PARPBP: variants seen among roughly 807,000 people sequenced by gnomAD.
PARPBP encodes the protein PCNA-interacting partner.
In PARPBP, 52 loss-of-function variants were observed where a neutral mutation model predicts 50.0. That is an observed-to-expected ratio of 1.04 (90% confidence interval 0.83 to 1.31). PARPBP has a LOEUF of 1.31. PARPBP is among the 50% of genes most tolerant of loss of function. PARPBP has a pLI of 0.00. For missense variants in PARPBP, 697 were observed against 672.0 expected, an observed-to-expected ratio of 1.04 and a Z score of -0.41; for synonymous variants, 244 against 232.1, an observed-to-expected ratio of 1.05 and a Z score of -0.47.
At chr12:102,158,117 T>C (rs1168894430) in intron 4 of PARPBP, among the ~76,000 whole-genome samples, 1 of 98,426 alleles carries the variant, frequency 1.0e-5, no homozygotes, top group African/African-American at 4.1e-5. Flanking sequence ...CGAGACTCCA[T>C]CTCAAAAAAA....
chr12:102,121,788 C>G (rs1396809352), intron 1 of PARPBP, among the ~76,000 whole-genome samples: 1 of 152,078 alleles, frequency 6.6e-6, no homozygotes, highest in African/African-American at 2.4e-5. Flanking sequence ...AGGTGAGCCT[C>G]GGCTTCCCAA....
chr12:102,196,812 ATAATAAT>A lies in PARPBP; in HGVS notation c.*526_*532del. 2 of 1,058,784 alleles carry A rather than the reference ATAATAAT, an allele frequency of 1.9e-6. No individual in the cohort carries two copies. The highest frequency in any genetic ancestry group is 2.8e-5 in the South Asian group (2 of 72,412). The allele number at this position is 1,058,784 out of a possible 1,614,324, so 65.6% of individuals were successfully genotyped here. A position where few individuals can be genotyped will look rare whatever the true frequency, so the allele number is the denominator to read the frequency against. On this transcript the variant is annotated 3_prime_UTR_variant, in exon 11 of 11. Coordinates refer to ENST00000327680, the MANE Select transcript of PARPBP (RefSeq NM_017915.5). ...AACTAATTCTGAGTAAACCAAAATG[ATAATAAT>A]TAATTGTTGCTATTTAATCCCACAT... is the stretch of plus-strand genomic sequence containing the variant.
intron 2 of PARPBP, among the ~76,000 whole-genome samples, chr12:102,135,402 G>A (rs548441739): frequency 6.6e-5 from 10 of 151,926 alleles, no homozygotes; most frequent in Admixed American, 2.6e-4. Context: ...AGAATTAGCC[G>A]GGTGTGGTGG....
intron 4 of PARPBP, among the ~76,000 whole-genome samples, chr12:102,159,379 G>T (rs1377103098): frequency 6.6e-6 from 1 of 152,014 alleles, no homozygotes; most frequent in Non-Finnish European, 1.5e-5. Flanking sequence ...CACCCACCTC[G>T]GCCTCCCAAA....
intron 6 of PARPBP, among the ~76,000 whole-genome samples, chr12:102,174,511 A>G (rs1206306181): frequency 1.3e-5 from 2 of 152,214 alleles, no homozygotes; most frequent in African/African-American, 4.8e-5. Flanking sequence ...ACTACAAAAG[A>G]GAAATTTAAT....
intron 9 of PARPBP, among the ~76,000 whole-genome samples, chr12:102,183,010 T>G (rs1240702930): frequency 6.6e-6 from 1 of 152,194 alleles, no homozygotes; most frequent in Non-Finnish European, 1.5e-5. Flanking sequence ...TCTGAAGATA[T>G]AATGGCAGAA....
chr12:102,179,468 T>A (rs1188292468), intron 8 of PARPBP, among the ~76,000 whole-genome samples: 1 of 152,236 alleles, frequency 6.6e-6, no homozygotes, highest in Non-Finnish European at 1.5e-5. Context: ...GGCTGGAAGC[T>A]GGAGATGCAG....
intron 2 of PARPBP, among the ~76,000 whole-genome samples, chr12:102,141,620 G>A (rs1047820847): frequency 7.9e-5 from 12 of 152,142 alleles, no homozygotes; most frequent in African/African-American, 2.4e-4. Flanking sequence ...GCAGTGGCTG[G>A]TACCAGTTTT....
intron 2 of PARPBP, among the ~76,000 whole-genome samples, chr12:102,130,983 A>G (rs951951448): frequency 5.9e-5 from 9 of 152,228 alleles, no homozygotes; most frequent in Non-Finnish European, 1.0e-4. Flanking sequence ...TAAAAATTGC[A>G]AGTCAAAACC....
At chr12:102,133,706 A>G (rs1042031876) in intron 2 of PARPBP, among the ~76,000 whole-genome samples, 12 of 152,158 alleles carry the variant, frequency 7.9e-5, no homozygotes, top group African/African-American at 2.4e-4. Context: ...CTTAGTGCAT[A>G]CAGAACATTC....
At chr12:102,183,247 G>C (rs1890006082) in intron 9 of PARPBP, among the ~76,000 whole-genome samples, 1 of 152,042 alleles carries the variant, frequency 6.6e-6, no homozygotes, top group African/African-American at 2.4e-5. Context: ...TATCTACTAT[G>C]ATCCAGACAC....
At chr12:102,177,895 C>G (rs760169678) in intron 7 of PARPBP, among the ~76,000 whole-genome samples, 1 of 152,192 alleles carries the variant, frequency 6.6e-6, no homozygotes, top group East Asian at 1.9e-4. Flanking sequence ...GCACCATGCT[C>G]TCTTCTTCCT....
chr12:102,197,486 T>G lies in PARPBP; in HGVS notation c.*1195T>G. 6.5e-7 allele frequency: 1 copy of G among 1,546,178 alleles called. No individual in the cohort carries two copies. The highest frequency in any genetic ancestry group is 8.7e-7 in the Non-Finnish European group (1 of 1,146,932). On this transcript the variant is annotated 3_prime_UTR_variant, in exon 11 of 11. Transcript: ENST00000327680. ...GGATTTGTAAGAATCATTTAAATTT[T>G]CATTGAAATAAACGACAAGTCACAT...
chr12:102,128,333 G>A (rs1289199858), intron 2 of PARPBP, among the ~76,000 whole-genome samples: 15 of 152,090 alleles, frequency 9.9e-5, no homozygotes, highest in Non-Finnish European at 2.1e-4. Context: ...CCGGGTTCAC[G>A]CCATTTTTCT....
Position 102,197,230 on chromosome 12 carries a change from C to A in PARPBP, c.*939C>A. On this transcript the variant is annotated 3_prime_UTR_variant, in exon 11 of 11. Coordinates refer to ENST00000327680, the MANE Select transcript of PARPBP (RefSeq NM_017915.5). ...TCGTATTCGGAGTGGAACTATAATA[C>A]AATTGTATAATATTCTTGTTGATCA... The A allele has an allele frequency of 7.8e-7, 1 of 1,285,998 alleles. No individual in the cohort carries two copies. Among genetic ancestry groups the A allele is most frequent in the Non-Finnish European group, 1.1e-6 (1 of 900,008 alleles). The allele number at this position is 1,285,998 out of a possible 1,614,324, so 79.7% of individuals were successfully genotyped here.
At chr12:102,177,241 A>G (rs768147124) in intron 7 of PARPBP, among the ~76,000 whole-genome samples, 3 of 152,206 alleles carry the variant, frequency 2.0e-5, no homozygotes, top group Non-Finnish European at 4.4e-5. Flanking sequence ...GGCCAAGATG[A>G]TATTGATGAA....
intron 2 of PARPBP, among the ~76,000 whole-genome samples, chr12:102,147,858 A>T (rs1689011762): frequency 6.6e-6 from 1 of 152,148 alleles, no homozygotes; most frequent in Admixed American, 6.6e-5. Flanking sequence ...AACGAAAAGG[A>T]ACTAAAAAGA....
At chr12:102,182,365 G>A (rs546615158) in intron 8 of PARPBP, among the ~76,000 whole-genome samples, 184 bp from the exon 9 acceptor site, 67 of 152,250 alleles carry the variant, frequency 4.4e-4, no homozygotes, top group Admixed American at 1.1e-3. Context: ...TGGATTGGGT[G>A]TATTAAATGC....
intron 2 of PARPBP, among the ~76,000 whole-genome samples, chr12:102,141,058 G>A (rs1053481936): frequency 2.0e-5 from 3 of 152,140 alleles, no homozygotes. Flanking sequence ...CTGTCTTGTT[G>A]ATCTATCTAA....
Sources: allele counts gnomAD v4.1 joint callset (sites outside exome capture counted in the v4.1 genomes callset), GRCh38; gene constraint gnomAD v4.1.1; transcripts MANE v1.5; gene names NCBI Gene and HGNC (gene_info 2026-07-23, HGNC 2026-07-21).